The following SHISA9 variants were observed in gnomAD, a reference collection of about 807,000 sequenced individuals.
SHISA9 encodes shisa family member 9.
Under a neutral mutation model 38.0 loss-of-function variants are expected in SHISA9, and 13 were observed. The observed-to-expected ratio is 0.34, with a 90% CI of 0.22 to 0.54. The LOEUF (loss-of-function observed/expected upper bound fraction) is 0.54, where lower values mean the gene tolerates loss of function less well. SHISA9 is among the 20% of genes least tolerant of loss of function. The probability of loss-of-function intolerance (pLI) is 0.91; values close to 1 mark genes in which losing one functional copy is unlikely to be tolerated. For synonymous variants in SHISA9, 275 were observed against 242.0 expected (o/e 1.14, Z -1.27); for missense variants, 538 against 575.8 (o/e 0.93, Z 0.67).
intron 2 of SHISA9, among the ~76,000 whole-genome samples, chr16:12,936,140 G>T (rs190480317): frequency 6.6e-6 from 1 of 152,136 alleles, no homozygotes; most frequent in Non-Finnish European, 1.5e-5. Flanking sequence ...CAGGTGCTTC[G>T]TTGGGTTCTT....
chr16:13,221,798 C>A (rs407146), intron 4 of SHISA9, among the ~76,000 whole-genome samples: 71,719 of 151,918 alleles, frequency 0.47, 17,744 homozygotes, highest in East Asian at 0.75. Flanking sequence ...CTCTTACTGT[C>A]TTAGCAGTCC....
At chr16:13,470,236 T>C in the SHISA9 span, among the ~76,000 whole-genome samples, 5 of 152,238 alleles carry the variant, frequency 3.3e-5, no homozygotes, top group East Asian at 9.6e-4. Context: ...TATGAAGTGT[T>C]AATTCTGAAA....
the SHISA9 span, among the ~76,000 whole-genome samples, chr16:13,539,993 A>G: frequency 6.6e-6 from 1 of 152,116 alleles, no homozygotes; most frequent in Non-Finnish European, 1.5e-5. Context: ...TATCCAGTCC[A>G]CTGTTGATGG....
chr16:13,125,222 C>T (rs571536440), intron 2 of SHISA9, among the ~76,000 whole-genome samples: 46 of 152,150 alleles, frequency 3.0e-4, no homozygotes, highest in African/African-American at 1.1e-3. Context: ...ATCCTTCTGA[C>T]AAGGGATTAG....
intron 2 of SHISA9, among the ~76,000 whole-genome samples, chr16:13,192,328 T>A (rs890774985): frequency 6.6e-6 from 1 of 152,156 alleles, no homozygotes; most frequent in African/African-American, 2.4e-5. Context: ...GACCTTTATA[T>A]AATATGCCCA....
intron 1 of SHISA9, among the ~76,000 whole-genome samples, chr16:12,912,361 C>A (rs1272613639): frequency 6.6e-6 from 1 of 152,174 alleles, no homozygotes; most frequent in Non-Finnish European, 1.5e-5. Context: ...CTGCGGATGG[C>A]AGAACCGACC....
chr16:13,092,328 A>G (rs548640112), intron 2 of SHISA9, among the ~76,000 whole-genome samples: 18 of 152,320 alleles, frequency 1.2e-4, no homozygotes, highest in African/African-American at 4.3e-4. Flanking sequence ...CTCAAACTCC[A>G]TGCTGGAGAA....
chr16:12,926,018 G>T (rs1233227053), intron 2 of SHISA9, among the ~76,000 whole-genome samples: 2 of 152,128 alleles, frequency 1.3e-5, no homozygotes, highest in Non-Finnish European at 2.9e-5. Context: ...GAGCCACCGT[G>T]CCTGGACTGC....
intron 2 of SHISA9, among the ~76,000 whole-genome samples, chr16:12,982,512 C>T (rs1042666299): frequency 7.2e-5 from 11 of 152,198 alleles, no homozygotes; most frequent in Admixed American, 4.6e-4. Context: ...CTGGCATTCT[C>T]CTTTACATTC....
At chr16:13,542,492 G>A in the SHISA9 span, among the ~76,000 whole-genome samples, 46 of 152,290 alleles carry the variant, frequency 3.0e-4, no homozygotes, top group East Asian at 6.9e-3. Context: ...ATATCACACA[G>A]CCCCCTAGAG....
chr16:13,512,103 C>T, the SHISA9 span, among the ~76,000 whole-genome samples: 2 of 152,082 alleles, frequency 1.3e-5, no homozygotes, highest in African/African-American at 2.4e-5. Flanking sequence ...AAAAGCAAGC[C>T]TCAAAAGATT....
At chr16:13,080,398 A>C (rs1003090225) in intron 2 of SHISA9, among the ~76,000 whole-genome samples, 2 of 152,134 alleles carry the variant, frequency 1.3e-5, no homozygotes, top group African/African-American at 4.8e-5. Flanking sequence ...TAAGTAAAAA[A>C]CACCACCACT....
At chr16:13,228,358 C>T (rs542320166) in intron 4 of SHISA9, among the ~76,000 whole-genome samples, 114 of 152,284 alleles carry the variant, frequency 7.5e-4, no homozygotes, top group Non-Finnish European at 1.3e-3. Flanking sequence ...CCCATCTGCA[C>T]GGATATGGAC....
intron 2 of SHISA9, among the ~76,000 whole-genome samples, chr16:13,047,688 G>A (rs568593195): frequency 3.3e-5 from 5 of 152,212 alleles, no homozygotes; most frequent in Non-Finnish European, 7.4e-5. Context: ...CATCTATCAA[G>A]TACCTCCCGT....
rs1461091801 is a variant in SHISA9 at position 12,906,581 on chromosome 16, T to C, written c.563+3954T>C. Among the ~76,000 whole-genome samples, 3 of 152,334 alleles carry C rather than the reference T, an allele frequency of 2.0e-5. No individual in the cohort carries two copies. In the East Asian group the frequency reaches 5.8e-4, roughly 29 times the overall value. ...AATGACTGCACATGGCAGCCAGCTATGGATACCAAACCATGTAGTCATGCT... is the reference window on the plus strand; with the variant it reads ...AATGACTGCACATGGCAGCCAGCTACGGATACCAAACCATGTAGTCATGCT... On this transcript the variant is annotated intron_variant, in intron 1 of 4. Transcript: ENST00000558583.
chr16:13,358,399 C>T, the SHISA9 span, among the ~76,000 whole-genome samples: 1 of 152,128 alleles, frequency 6.6e-6, no homozygotes, highest in Non-Finnish European at 1.5e-5. Context: ...CACCCCCCAA[C>T]AGGCTGTGCT....
At position 12,914,902 on chromosome 16, in the gene SHISA9, C is replaced by T. The variant is rs529329464; in HGVS notation, c.564-1786C>T. On this transcript the variant is annotated intron_variant, in intron 1 of 4. Coordinates refer to ENST00000558583, the MANE Select transcript of SHISA9 (RefSeq NM_001145204.3). ...GTTCCCAGGCGACACTGCTAGGACA[C>T]TGACACCGTTGATAGGTGGACTGTT... Among the ~76,000 whole-genome samples, 17 of 152,322 alleles carry T rather than the reference C, an allele frequency of 1.1e-4. No individual in the cohort carries two copies. The South Asian group carries it at 3.5e-3, about 32-fold the overall frequency.
At chr16:13,444,217 G>T in the SHISA9 span, among the ~76,000 whole-genome samples, 3 of 152,012 alleles carry the variant, frequency 2.0e-5, no homozygotes, top group Non-Finnish European at 2.9e-5. Context: ...CAAAAAATAT[G>T]AAAATTAGCC....
intron 2 of SHISA9, among the ~76,000 whole-genome samples, chr16:12,983,333 T>C (rs563968769): frequency 2.0e-5 from 3 of 152,324 alleles, no homozygotes; most frequent in African/African-American, 4.8e-5. Context: ...GGAACCTTGG[T>C]TTCTCCCTCT....
Sources: allele counts gnomAD v4.1 joint callset (sites outside exome capture counted in the v4.1 genomes callset), GRCh38; gene constraint gnomAD v4.1.1; transcripts MANE v1.5; gene names NCBI Gene and HGNC (gene_info 2026-07-23, HGNC 2026-07-21).